ME2: variants seen among roughly 807,000 people sequenced by gnomAD.
ME2 encodes the protein NAD-dependent malic enzyme, mitochondrial.
ME2 carries 60 observed loss-of-function variants against 73.7 expected under a neutral mutation model. The observed-to-expected ratio is 0.81, with a 90% CI of 0.66 to 1.01. The LOEUF is 1.01. Ranked by LOEUF, ME2 falls within the 50% of genes least tolerant of loss-of-function variation. The probability of loss-of-function intolerance (pLI) is 0.00; values close to 1 mark genes in which losing one functional copy is unlikely to be tolerated. For synonymous variants in ME2, 199 were observed against 236.9 expected (o/e 0.84, Z 1.47); for missense variants, 594 against 705.5 (o/e 0.84, Z 1.79).
In ME2 at chr18:50,924,637, A is replaced by G. The variant is rs117659394; in HGVS notation, c.1171+425A>G. Among the ~76,000 whole-genome samples, 665 of 152,240 alleles carry G rather than the reference A, an allele frequency of 4.4e-3. 10 individuals are homozygous for G. In the East Asian group the frequency reaches 0.065, roughly 15 times the overall value. ...TTACATTCTCAGCAGAAAATGTAAA[A>G]GTGTTTAAAAGAGGAGCTATTTAAT... On this transcript the variant is annotated intron_variant, in intron 11 of 15. Coordinates refer to ENST00000321341, the MANE Select transcript of ME2 (RefSeq NM_002396.5).
chr18:50,893,982 GT>G (rs2144193764), intron 1 of ME2, among the ~76,000 whole-genome samples: 1 of 152,276 alleles, frequency 6.6e-6, no homozygotes, highest in Non-Finnish European at 1.5e-5. Context: ...ATTATTTACA[GT>G]TTAATTACAT....
At chr18:50,925,261 C>G (rs1436391504) in intron 11 of ME2, among the ~76,000 whole-genome samples, 1 of 152,020 alleles carries the variant, frequency 6.6e-6, no homozygotes, top group Non-Finnish European at 1.5e-5. Flanking sequence ...GGCGGATCAC[C>G]TGAGGTCAGG....
chr18:50,913,985 A>G (rs1367079777), intron 4 of ME2, among the ~76,000 whole-genome samples: 1 of 152,068 alleles, frequency 6.6e-6, no homozygotes, highest in Non-Finnish European at 1.5e-5. Context: ...CCCAATTAAC[A>G]CATTCTTCCA....
chr18:50,916,534 A>T lies in ME2; in HGVS notation c.468+291A>T, dbSNP rs192673679. On this transcript the variant is annotated intron_variant, in intron 5 of 15. Transcript: ENST00000321341. Reference sequence around the variant, plus strand: ...CTCAATCTCCTTTTCTATTTCACTAATATTATTCTAGGTAAAGAAAATACA... The same window carrying T: ...CTCAATCTCCTTTTCTATTTCACTATTATTATTCTAGGTAAAGAAAATACA... 2.8e-3 allele frequency: 640 copies of T among 229,266 alleles called. 5 individuals are homozygous for T. The highest frequency in any genetic ancestry group is 9.7e-3 in the Middle Eastern group (7 of 718). 14.2% of individuals were successfully genotyped at this position (229,266 alleles called of 1,614,324 possible). A position where few individuals can be genotyped will look rare whatever the true frequency, so the allele number is the denominator to read the frequency against.
intron 4 of ME2, 113 bp downstream of exon 4, chr18:50,913,063 C>A: frequency 1.0e-6 from 1 of 961,722 alleles, no homozygotes; most frequent in Non-Finnish European, 1.5e-6. Context: ...ACATTTCCCA[C>A]CTCAGAAAAA....
rs993768897 is a variant in ME2, at chr18:50,948,764, G to C, written c.*1580G>C. Reference sequence around the variant, plus strand: ...TCACCATGTTGGCCAGGAGGGTCTCGATTTCCTGACCTCGCGATCCGCCCA... The same window carrying C: ...TCACCATGTTGGCCAGGAGGGTCTCCATTTCCTGACCTCGCGATCCGCCCA... On this transcript the variant is annotated 3_prime_UTR_variant, in exon 16 of 16. Coordinates refer to ENST00000321341, the MANE Select transcript of ME2 (RefSeq NM_002396.5). 6.7e-6 allele frequency: 1 copy of C among 149,150 alleles called. No homozygotes were observed. The highest frequency in any genetic ancestry group is 1.5e-5 in the Non-Finnish European group (1 of 67,544). The allele number at this position is 149,150 out of a possible 1,614,324, so 9.2% of individuals were successfully genotyped here.
chr18:50,889,714 A>G (rs1044823454), intron 1 of ME2, among the ~76,000 whole-genome samples: 1 of 152,246 alleles, frequency 6.6e-6, no homozygotes, highest in African/African-American at 2.4e-5. Context: ...AAGACGTATC[A>G]GATTTCTAGG....
At chr18:50,931,481 G>A (rs1340176394) in intron 12 of ME2, among the ~76,000 whole-genome samples, 2 of 152,148 alleles carry the variant, frequency 1.3e-5, no homozygotes, top group Non-Finnish European at 2.9e-5. Flanking sequence ...TGGAGATGAT[G>A]ATGAAGTTTT....
At chr18:50,909,211 G>T (rs543399995) in intron 3 of ME2, among the ~76,000 whole-genome samples, 73 of 151,926 alleles carry the variant, frequency 4.8e-4, no homozygotes, top group Non-Finnish European at 8.1e-4. Context: ...CAATCTGCCC[G>T]CCTTGGCCTC....
At chr18:50,910,156 G>A (rs1273553727) in intron 3 of ME2, among the ~76,000 whole-genome samples, 1 of 151,060 alleles carries the variant, frequency 6.6e-6, no homozygotes, top group Non-Finnish European at 1.5e-5. Flanking sequence ...CAAAAGCTAG[G>A]CTTGGTGGCT....
intron 4 of ME2, among the ~76,000 whole-genome samples, chr18:50,914,443 C>T (rs780203726): frequency 7.2e-5 from 11 of 152,160 alleles, no homozygotes; most frequent in Non-Finnish European, 1.5e-4. Flanking sequence ...GATGTATACC[C>T]AGAGTTGAGA....
chr18:50,892,212 A>G (rs1259045069), intron 1 of ME2, among the ~76,000 whole-genome samples: 1 of 152,130 alleles, frequency 6.6e-6, no homozygotes, highest in Non-Finnish European at 1.5e-5. Flanking sequence ...GTAGTGGCAA[A>G]TCCTTCTACC....
In ME2 at chr18:50,951,450, T is replaced by G. The variant is rs945532218; in HGVS notation, c.*4266T>G. 7.9e-5 allele frequency: 12 copies of G among 152,150 alleles called. No individual in the cohort carries two copies. Among genetic ancestry groups the G allele is most frequent in the African/African-American group, 2.9e-4 (12 of 41,440 alleles). 9.4% of individuals were successfully genotyped at this position (152,150 alleles called of 1,614,324 possible). ...CCAGTCAGTATCCTTCAAGGATAAC[T>G]TTTTCATACCTTTTTTTTGGTTTGT... On this transcript the variant is annotated 3_prime_UTR_variant, in exon 16 of 16. Coordinates refer to ENST00000321341, the MANE Select transcript of ME2 (RefSeq NM_002396.5).
chr18:50,894,493 G>A (rs574392054), intron 1 of ME2, among the ~76,000 whole-genome samples: 6 of 151,704 alleles, frequency 4.0e-5, no homozygotes, highest in African/African-American at 9.7e-5. Context: ...GCTTGAATCC[G>A]GGAGGCAGAG....
At chr18:50,905,166 T>C (rs1916990002) in intron 2 of ME2, among the ~76,000 whole-genome samples, 2 of 152,144 alleles carry the variant, frequency 1.3e-5, no homozygotes, top group East Asian at 3.9e-4. Context: ...TTTGTATTTT[T>C]AGTAGAGATG....
chr18:50,923,242 A>G (rs1326772535), intron 10 of ME2, among the ~76,000 whole-genome samples: 1 of 152,086 alleles, frequency 6.6e-6, no homozygotes, highest in East Asian at 1.9e-4. Context: ...AAGGCTTTGA[A>G]ATTCCAAAAT....
intron 14 of ME2, chr18:50,939,891 T>C: frequency 4.4e-6 from 2 of 456,978 alleles, no homozygotes. Context: ...TATCTGAATA[T>C]ATTGTGACAG....
Position 50,941,353 on chromosome 18 carries a change from C to CTTT in ME2, c.1587+996_1587+998dup, listed in dbSNP as rs57428974. Among the ~76,000 whole-genome samples, 342 of 63,850 alleles carry CTTT rather than the reference C, an allele frequency of 5.4e-3. 53 individuals carry two copies. The highest frequency in any genetic ancestry group is 0.013 in the African/African-American group (165 of 12,426). 41.9% of individuals were successfully genotyped at this position (63,850 alleles called of 152,430 possible). On this transcript the variant is annotated intron_variant, in intron 15 of 15. Transcript: ENST00000321341. ...TCTTTGTGTGTATTTGTGATGGTTT[C>CTTT]TTTTTTTTTTTTTTTTTTTTTTTTT...
At chr18:50,931,130 T>A (rs1917680817) in intron 12 of ME2, among the ~76,000 whole-genome samples, 1 of 152,256 alleles carries the variant, frequency 6.6e-6, no homozygotes, top group Non-Finnish European at 1.5e-5. Flanking sequence ...AATAACACAA[T>A]TAATTCTCTT....
Sources: gnomAD v4.1 joint callset for allele counts (sites outside exome capture counted in the v4.1 genomes callset) on GRCh38, gnomAD v4.1.1 for gene constraint, MANE v1.5 for transcripts, NCBI Gene and HGNC (gene_info 2026-07-23, HGNC 2026-07-21) for gene names.